SUGP1: variants seen among roughly 807,000 people sequenced by gnomAD.
SUGP1 encodes the protein SURP and G-patch domain containing 1, also known as SURP and G-patch domain-containing protein 1.
Under a neutral mutation model 76.5 loss-of-function variants are expected in SUGP1, and 34 were observed. That is an observed-to-expected ratio of 0.44 (90% CI 0.34 to 0.59). The LOEUF is 0.59. Ranked by LOEUF, SUGP1 falls within the 20% of genes least tolerant of loss-of-function variation. The probability of loss-of-function intolerance (pLI) is 0.01; values close to 1 mark genes in which losing one functional copy is unlikely to be tolerated. For missense variants in SUGP1, 752 were observed against 851.7 expected (o/e 0.88, Z 1.46); for synonymous variants, 326 against 326.2 (o/e 1.00, Z 0.01).
At chr19:19,302,035 C>A (rs1037997775) in intron 7 of SUGP1, 4 of 567,482 alleles carry the variant, frequency 7.0e-6, no homozygotes, top group Non-Finnish European at 1.2e-5. Flanking sequence ...GACACAAAGG[C>A]CCCAAAGGCC....
intron 12 of SUGP1, 124 bp downstream of exon 12, chr19:19,277,610 G>C (rs938458665): frequency 2.6e-5 from 33 of 1,277,416 alleles, no homozygotes; most frequent in Non-Finnish European, 3.4e-5. Flanking sequence ...GGTGTGCAGT[G>C]GGGTGCTGTG....
chr19:19,315,332 A>G (rs1225455641), intron 2 of SUGP1, among the ~76,000 whole-genome samples: 6 of 146,586 alleles, frequency 4.1e-5, no homozygotes, highest in Admixed American at 6.8e-5. Flanking sequence ...TGTCTCAAAG[A>G]AAAAAAAAAA....
At chr19:19,279,501 C>G in intron 9 of SUGP1, 111 bp from the exon 10 acceptor site, 1 of 1,214,218 alleles carries the variant, frequency 8.2e-7, no homozygotes, top group Non-Finnish European at 1.1e-6. Context: ...CGTGGCTCAT[C>G]TGGACCCCTG....
chr19:19,302,603 G>C, intron 6 of SUGP1: 1 of 634,830 alleles, frequency 1.6e-6, no homozygotes, highest in Non-Finnish European at 2.6e-6. Flanking sequence ...CCACAAGGGA[G>C]GTCAAGAGGG....
At chr19:19,314,648 G>C (rs945804327) in intron 2 of SUGP1, among the ~76,000 whole-genome samples, 8 of 152,188 alleles carry the variant, frequency 5.3e-5, no homozygotes, top group Non-Finnish European at 8.8e-5. Context: ...AAGAGGTAGG[G>C]ACAAGGAAAG....
intron 4 of SUGP1, chr19:19,305,601 T>G: frequency 2.4e-6 from 1 of 421,598 alleles, no homozygotes; most frequent in Non-Finnish European, 4.3e-6. Context: ...GCTGTGTGAG[T>G]GGAAGATGGA....
chr19:19,308,715 C>G (rs1277677199), intron 3 of SUGP1, among the ~76,000 whole-genome samples: 1 of 152,254 alleles, frequency 6.6e-6, no homozygotes, highest in African/African-American at 2.4e-5. Flanking sequence ...GCTGACCCAG[C>G]TTGGGGATGC....
At chr19:19,279,540 G>T in intron 9 of SUGP1, 150 bp from the exon 10 acceptor site, 1 of 796,174 alleles carries the variant, frequency 1.3e-6, no homozygotes, top group Non-Finnish European at 2.0e-6. Context: ...ACTCTAGCAA[G>T]TACTGAGTAC....
Position 19,302,181 on chromosome 19 carries a change from C to A in SUGP1, c.887+84G>T, listed in dbSNP as rs1012698818. On this transcript the variant is annotated intron_variant, in intron 7 of 13. Transcript: ENST00000247001. ...CTCACAGTGGGACCCCAGCAGGTGG[C>A]TGGACTATGCTGATCCAGTGTCCTC... The A allele has an allele frequency of 6.4e-6, 10 of 1,560,238 alleles. No individual in the cohort carries two copies. The African/African-American group carries it at 1.2e-4, about 19-fold the overall frequency.
At position 19,283,397 on chromosome 19, in the gene SUGP1, C is replaced by T. The variant is rs368368278; in HGVS notation, c.1244-3106G>A. On this transcript the variant is annotated intron_variant, in intron 8 of 13. Transcript: ENST00000247001. ...AAACAAATTCTCCTGCCTCAGCCTC[C>T]CGAGTAGTTGGGACTACAGGCACCT... Among the ~76,000 whole-genome samples the T allele has an allele frequency of 9.1e-4, 138 of 152,106 alleles. 2 individuals carry two copies. The highest frequency in any genetic ancestry group is 3.2e-3 in the African/African-American group (132 of 41,514).
rs763437677 is a variant in SUGP1, at chr19:19,280,240, A to G, written c.1295T>C (p.Val432Ala). 6.2e-7 allele frequency: 1 copy of G among 1,614,010 alleles called. No homozygotes were observed. The highest frequency in any genetic ancestry group is 8.5e-7 in the Non-Finnish European group (1 of 1,179,982). The change falls in exon 9 of 14, where the codon GTG becomes GCG. Residue 432 changes from valine to alanine, a missense_variant. Coordinates refer to ENST00000247001, the MANE Select transcript of SUGP1 (RefSeq NM_172231.4). ...GGCGTCTGAAAGCTCTGTGACGCCCACTAGACCCACAGGCTTCCCCTTCTC... is the reference window on the plus strand; with the variant it reads ...GGCGTCTGAAAGCTCTGTGACGCCCGCTAGACCCACAGGCTTCCCCTTCTC... The part of the protein sequence containing the change: ...GYEKGKPVGL[V>A]GVTELSDAQK...
chr19:19,307,620 G>A (rs2061326491), intron 3 of SUGP1, among the ~76,000 whole-genome samples: 1 of 152,076 alleles, frequency 6.6e-6, no homozygotes, highest in Non-Finnish European at 1.5e-5. Flanking sequence ...CTTCCTGTAA[G>A]AAAGGGGGAT....
chr19:19,276,874 A>G, intron 13 of SUGP1, 73 bp downstream of exon 13: 1 of 1,589,842 alleles, frequency 6.3e-7, no homozygotes. Context: ...CTGAGGAAGG[A>G]AGGGAGCCTT....
intron 11 of SUGP1, among the ~76,000 whole-genome samples, chr19:19,278,188 C>T (rs895676584): frequency 6.6e-6 from 1 of 152,186 alleles, no homozygotes; most frequent in Non-Finnish European, 1.5e-5. Context: ...TGTTCATGTC[C>T]TGAGAGCAAT....
chr19:19,279,443 GC>G, intron 9 of SUGP1, 53 bp from the exon 10 acceptor site: 1 of 1,513,552 alleles, frequency 6.6e-7, no homozygotes. Context: ...GCCTGCCGGA[GC>G]CCCGCTCCTG....
intron 7 of SUGP1, among the ~76,000 whole-genome samples, chr19:19,298,760 A>T (rs910416216): frequency 2.6e-5 from 4 of 152,244 alleles, no homozygotes. Flanking sequence ...GACACTTGAC[A>T]GCCGGGTGAG....
At chr19:19,292,600 G>A (rs893560529) in intron 8 of SUGP1, among the ~76,000 whole-genome samples, 9 of 152,114 alleles carry the variant, frequency 5.9e-5, no homozygotes. Context: ...AGGAGGTGGA[G>A]ATTGCAGTAA....
intron 3 of SUGP1, 96 bp from the exon 4 acceptor site, chr19:19,306,172 G>A: frequency 8.1e-7 from 1 of 1,239,916 alleles, no homozygotes; most frequent in Non-Finnish European, 1.1e-6. Flanking sequence ...GGGGGAGCTG[G>A]GTCCTTGACT....
intron 8 of SUGP1, among the ~76,000 whole-genome samples, chr19:19,289,875 C>T (rs1167880311): frequency 6.6e-6 from 1 of 152,182 alleles, no homozygotes; most frequent in Admixed American, 6.5e-5. Flanking sequence ...GGAAGCTCCA[C>T]GCCCCTTCCC....
Sources: allele counts gnomAD v4.1 joint callset (sites outside exome capture counted in the v4.1 genomes callset), GRCh38; gene constraint gnomAD v4.1.1; transcripts MANE v1.5; gene names NCBI Gene and HGNC (gene_info 2026-07-23, HGNC 2026-07-21).